The following ORC2 variants were observed in gnomAD, a reference collection of about 807,000 sequenced individuals.
ORC2 encodes the protein origin recognition complex subunit 2, also known as origin recognition complex protein 2 homolog.
ORC2 carries 37 observed loss-of-function variants against 77.7 expected under a neutral mutation model. That is an observed-to-expected ratio of 0.48 (90% CI 0.37 to 0.63). The LOEUF is 0.63. ORC2 is among the 20% of genes least tolerant of loss of function. ORC2 has a pLI of 0.00. For missense variants in ORC2, 557 were observed against 661.9 expected (o/e 0.84, Z 1.74); for synonymous variants, 201 against 229.5 (o/e 0.88, Z 1.12).
At chr2:200,946,489 C>T (rs756494250) in intron 5 of ORC2, among the ~76,000 whole-genome samples, 2 of 152,176 alleles carry the variant, frequency 1.3e-5, no homozygotes, top group African/African-American at 2.4e-5. Flanking sequence ...TGTTAAACTG[C>T]GTTCCTGAAA....
At chr2:200,927,400 A>T (rs13406545) in intron 11 of ORC2, among the ~76,000 whole-genome samples, 34,391 of 150,328 alleles carry the variant, frequency 0.23, 4,662 homozygotes, top group African/African-American at 0.38. Flanking sequence ...ATTTTTATTT[A>T]AAAAAAAAAT....
chr2:200,926,331 G>A (rs1010462042), intron 12 of ORC2, among the ~76,000 whole-genome samples: 4 of 152,164 alleles, frequency 2.6e-5, no homozygotes, highest in Non-Finnish European at 5.9e-5. Flanking sequence ...ATGTTCAAAT[G>A]ATGAAGAGAT....
rs994326171 is a variant in ORC2, at chr2:200,917,077, C to T, written c.1467-3085G>A. ...TGGTGTGATCTTAGCTCAATGCAAC[C>T]TTTACCTCCTGGGTTCAAGCGATTC... is the stretch of plus-strand genomic sequence containing the variant. On this transcript the variant is annotated intron_variant, in intron 15 of 17. Transcript: ENST00000234296. 5.3e-5 allele frequency among the ~76,000 whole-genome samples: 8 copies of T among 150,230 alleles called. No homozygotes were observed. In the East Asian group the frequency reaches 1.6e-3, roughly 29 times the overall value.
At chr2:200,925,804 T>G in intron 13 of ORC2, 32 bp downstream of exon 13, 1 of 986,050 alleles carries the variant, frequency 1.0e-6, no homozygotes, top group Non-Finnish European at 1.6e-6. Flanking sequence ...TTAACTTTAC[T>G]CTAAAACTAC....
intron 8 of ORC2, among the ~76,000 whole-genome samples, chr2:200,937,001 G>T (rs2041058985): frequency 6.7e-6 from 1 of 149,468 alleles, no homozygotes; most frequent in African/African-American, 2.5e-5. Context: ...AAAAAAAAAA[G>T]AAAAAAAAAG....
rs755381940 is a variant in ORC2, at chr2:200,913,443, G to A, written c.1529-30C>T. The A allele has an allele frequency of 2.6e-6, 4 of 1,558,618 alleles. No homozygotes were observed. The African/African-American group carries it at 5.5e-5, about 21-fold the overall frequency. ...CAAGTTCAAAAGGATATGAACATAA[G>A]TCAGCACTTAAGACATGACCCAATA... On this transcript the variant is annotated intron_variant, in intron 16 of 17. Transcript: ENST00000234296.
At chr2:200,923,010 A>G (rs537948320) in intron 13 of ORC2, among the ~76,000 whole-genome samples, 3 of 152,338 alleles carry the variant, frequency 2.0e-5, no homozygotes, top group African/African-American at 7.2e-5. Context: ...TTTCTCTTAC[A>G]ATAACCTGCT....
Position 200,935,870 on chromosome 2 carries a change from A to G in ORC2, c.537T>C (p.Ser179=). ...AGTTGGAAGCAGAATATTCGCTTTC[A>G]CTGTCAGAATGAGACCTTGGAACTG... ...RLIVPRSHSD[S]ESEYSASNSE... is the part of the protein sequence containing the mutation. The change falls in exon 9 of 18, where the codon AGT becomes AGC. Residue 179 remains serine, a synonymous_variant. Transcript: ENST00000234296. 1 of 1,613,724 alleles carries G rather than the reference A, an allele frequency of 6.2e-7. No homozygotes were observed. The highest frequency in any genetic ancestry group is 8.5e-7 in the Non-Finnish European group (1 of 1,179,848).
intron 10 of ORC2, among the ~76,000 whole-genome samples, chr2:200,933,624 G>A (rs2040981965): frequency 6.6e-6 from 1 of 152,002 alleles, no homozygotes; most frequent in African/African-American, 2.4e-5. Context: ...GCCCAGGCTG[G>A]TCTCAAACTC....
chr2:200,949,441 A>G (rs2041311190), intron 5 of ORC2, 113 bp downstream of exon 5: 1 of 647,312 alleles, frequency 1.5e-6, no homozygotes, highest in Non-Finnish European at 2.8e-6. Flanking sequence ...AACCATAGGG[A>G]ATCTCTCTTC....
intron 4 of ORC2, among the ~76,000 whole-genome samples, chr2:200,951,869 T>C (rs1391481112): frequency 6.6e-6 from 1 of 152,222 alleles, no homozygotes; most frequent in African/African-American, 2.4e-5. Flanking sequence ...AAACAATGAA[T>C]TTTAATTAGT....
In ORC2 at chr2:200,942,797, T is replaced by C. The variant is rs951557751; in HGVS notation, c.329-20A>G. 4 of 1,496,384 alleles carry C rather than the reference T, an allele frequency of 2.7e-6. No homozygotes were observed. The highest frequency in any genetic ancestry group is 3.6e-5 in the Admixed American group (2 of 55,570). 92.7% of individuals were successfully genotyped at this position (1,496,384 alleles called of 1,614,324 possible). ...CTGAAGCTGTAAACAAAGAAATATA[T>C]AAAAACCTTTTAAAGGACAACAGTA... On this transcript the variant is annotated intron_variant, in intron 5 of 17. Transcript: ENST00000234296.
rs761977184 is a variant in ORC2 at position 200,920,443 on chromosome 2, CAT to C, written c.1295-52_1295-51del. 8.8e-6 allele frequency: 12 copies of C among 1,362,984 alleles called. No homozygotes were observed. In the African/African-American group the frequency reaches 1.7e-4, roughly 20 times the overall value. The allele number at this position is 1,362,984 out of a possible 1,614,324, so 84.4% of individuals were successfully genotyped here. A position where few individuals can be genotyped will look rare whatever the true frequency, so the allele number is the denominator to read the frequency against. ...GAATTACAAATTATTTTTATATTGT[CAT>C]GTTACTAGATTCCACTTTACAAAAG... On this transcript the variant is annotated intron_variant, in intron 14 of 17. Transcript: ENST00000234296.
At chr2:200,957,932 C>A (rs901076318) in intron 3 of ORC2, 98 bp downstream of exon 3, 3 of 741,418 alleles carry the variant, frequency 4.0e-6, no homozygotes, top group Admixed American at 2.3e-5. Context: ...CAATCCTTTG[C>A]GCTATATTTT....
chr2:200,927,973 C>G (rs963479383), intron 11 of ORC2, among the ~76,000 whole-genome samples: 1 of 151,764 alleles, frequency 6.6e-6, no homozygotes, highest in African/African-American at 2.4e-5. Context: ...CAGGCATGAG[C>G]CACCGTGCAA....
At chr2:200,941,313 C>A (rs145731857) in intron 6 of ORC2, 34 bp from the exon 7 acceptor site, 1 of 1,590,434 alleles carries the variant, frequency 6.3e-7, no homozygotes. Context: ...TGACTTACTA[C>A]GGACACTTCA....
chr2:200,957,620 T>G (rs2041494324), intron 3 of ORC2, 76 bp from the exon 4 acceptor site: 1 of 1,072,916 alleles, frequency 9.3e-7, no homozygotes, highest in African/African-American at 1.7e-5. Flanking sequence ...TAAGAAATTA[T>G]AATATTTATA....
intron 17 of ORC2, 136 bp downstream of exon 17, chr2:200,913,159 C>A (rs2040580063): frequency 3.6e-6 from 2 of 555,212 alleles, no homozygotes. Flanking sequence ...TCAAATGGCA[C>A]ATCCCCTAAA....
chr2:200,948,447 T>C (rs2041291513), intron 5 of ORC2, among the ~76,000 whole-genome samples: 1 of 152,228 alleles, frequency 6.6e-6, no homozygotes, highest in South Asian at 2.1e-4. Context: ...TTAATTGGTA[T>C]AGGTGGTAAC....
Sources: gnomAD v4.1 joint callset for allele counts (sites outside exome capture counted in the v4.1 genomes callset) on GRCh38, gnomAD v4.1.1 for gene constraint, MANE v1.5 for transcripts, NCBI Gene and HGNC (gene_info 2026-07-23, HGNC 2026-07-21) for gene names.